Variants in FYN observed in about 807,000 individuals in gnomAD.
The protein encoded by FYN is FYN proto-oncogene, Src family tyrosine kinase.
FYN carries 10 observed loss-of-function variants against 70.2 expected under a neutral mutation model. The observed-to-expected ratio is 0.14, with a 90% CI of 0.09 to 0.24. The LOEUF is 0.24. FYN is among the 10% of genes least tolerant of loss of function. The pLI is 1.00. For missense variants in FYN, 319 were observed against 673.1 expected, an observed-to-expected ratio of 0.47 and a Z score of 5.82; for synonymous variants, 236 against 248.6, an observed-to-expected ratio of 0.95 and a Z score of 0.48.
At position 111,720,066 on chromosome 6, in the gene FYN, C is replaced by A. The variant is rs1355492645; in HGVS notation, c.-11-4G>T. 4 of 1,567,780 alleles carry A rather than the reference C, an allele frequency of 2.6e-6. No individual in the cohort carries two copies. Among genetic ancestry groups the A allele is most frequent in the South Asian group, 2.4e-5 (2 of 84,804 alleles). Reference sequence around the variant, plus strand: ...ACACAGCCCATTATCTAAATTCCTGCCAAAGACAAAAAAGGGGGCACGTAA... The same window carrying A: ...ACACAGCCCATTATCTAAATTCCTGACAAAGACAAAAAAGGGGGCACGTAA... On this transcript the variant is annotated splice_polypyrimidine_tract_variant and splice_region_variant and intron_variant, in intron 3 of 13. Transcript: ENST00000354650.
chr6:111,758,316 C>T (rs1009374001), intron 3 of FYN, among the ~76,000 whole-genome samples: 3 of 152,090 alleles, frequency 2.0e-5, no homozygotes, highest in Admixed American at 6.5e-5. Context: ...TTAAACATTC[C>T]TAAATTTGCA....
chr6:111,689,396 G>A (rs1042388385), intron 12 of FYN, among the ~76,000 whole-genome samples: 1 of 152,148 alleles, frequency 6.6e-6, no homozygotes, highest in East Asian at 1.9e-4. Context: ...CACAAAATCT[G>A]TTAGGCAGTA....
At chr6:111,734,967 C>T (rs1018818700) in intron 3 of FYN, among the ~76,000 whole-genome samples, 5 of 152,090 alleles carry the variant, frequency 3.3e-5, no homozygotes, top group South Asian at 2.1e-4. Flanking sequence ...ACAAGTAAAT[C>T]GAGGGACTCA....
At chr6:111,687,473 A>G (rs1562470610) in intron 12 of FYN, among the ~76,000 whole-genome samples, 1 of 152,148 alleles carries the variant, frequency 6.6e-6, no homozygotes, top group Non-Finnish European at 1.5e-5. Flanking sequence ...CAAACCAACC[A>G]AAACCATAGA....
chr6:111,797,819 G>A (rs1050192709), intron 2 of FYN, among the ~76,000 whole-genome samples: 1 of 151,712 alleles, frequency 6.6e-6, no homozygotes, highest in African/African-American at 2.4e-5. Flanking sequence ...CTGGAGTGCA[G>A]TGGCACGATC....
chr6:111,808,838 C>G (rs1042221081), intron 2 of FYN, among the ~76,000 whole-genome samples: 1 of 152,222 alleles, frequency 6.6e-6, no homozygotes, highest in Admixed American at 6.5e-5. Context: ...TGAAATGACA[C>G]AACTTCGTCC....
intron 9 of FYN, 115 bp downstream of exon 9, chr6:111,699,989 T>C (rs1799761083): frequency 1.3e-6 from 1 of 772,244 alleles, no homozygotes; most frequent in African/African-American, 1.7e-5. Flanking sequence ...TCCCCACTAT[T>C]AGTAATTCAA....
rs1324953860 is a variant in FYN at position 111,660,889 on chromosome 6, TTTGC to T, written c.*846_*849del. Reference sequence around the variant, plus strand: ...CCAGTTCTCTTGGTAGTATCAGCCATTTGCTTGCTTATTTTTAAGTTTTGAGAAC... The same window carrying T: ...CCAGTTCTCTTGGTAGTATCAGCCATTTGCTTATTTTTAAGTTTTGAGAAC... On this transcript the variant is annotated 3_prime_UTR_variant, in exon 14 of 14. Transcript: ENST00000354650. 1 of 152,224 alleles carries T rather than the reference TTTGC, an allele frequency of 6.6e-6. No individual in the cohort carries two copies. The highest frequency in any genetic ancestry group is 1.5e-5 in the Non-Finnish European group (1 of 68,036). The allele number at this position is 152,224 out of a possible 1,614,324, so 9.4% of individuals were successfully genotyped here. A position where few individuals can be genotyped will look rare whatever the true frequency, so the allele number is the denominator to read the frequency against.
intron 3 of FYN, among the ~76,000 whole-genome samples, chr6:111,743,436 A>G (rs1802071419): frequency 6.6e-6 from 1 of 152,238 alleles, no homozygotes; most frequent in Non-Finnish European, 1.5e-5. Context: ...CATGAAAATA[A>G]AATGAAATAC....
chr6:111,666,312 G>A (rs1175490995), intron 13 of FYN, among the ~76,000 whole-genome samples: 1 of 152,180 alleles, frequency 6.6e-6, no homozygotes, highest in South Asian at 2.1e-4. Flanking sequence ...GGCCAGTGGT[G>A]TCTGACTGTG....
chr6:111,674,761 A>G, intron 12 of FYN, 131 bp from the exon 13 acceptor site: 1 of 965,756 alleles, frequency 1.0e-6, no homozygotes, highest in Non-Finnish European at 1.5e-6. Flanking sequence ...AAGGAGGTGA[A>G]GCAGGAATGG....
intron 2 of FYN, among the ~76,000 whole-genome samples, chr6:111,833,608 C>T (rs1773089318): frequency 6.6e-6 from 1 of 152,206 alleles, no homozygotes; most frequent in African/African-American, 2.4e-5. Context: ...ACAAGCTAAC[C>T]TTTCATGCTT....
intron 1 of FYN, among the ~76,000 whole-genome samples, chr6:111,870,571 AG>A (rs1263742553): frequency 1.3e-5 from 2 of 152,362 alleles, no homozygotes; most frequent in Admixed American, 1.3e-4. Context: ...AAACAAGATA[AG>A]TAAGATAAGG....
intron 3 of FYN, among the ~76,000 whole-genome samples, chr6:111,763,105 A>ATT (rs1283337069): frequency 3.3e-5 from 5 of 152,212 alleles, no homozygotes; most frequent in Admixed American, 2.0e-4. Context: ...ATCTGGAAAT[A>ATT]TTTAAATCTA....
intron 1 of FYN, among the ~76,000 whole-genome samples, chr6:111,853,454 T>A (rs1166740733): frequency 1.3e-5 from 2 of 151,650 alleles, no homozygotes; most frequent in East Asian, 3.9e-4. Context: ...AGAAGGCACA[T>A]AGCCAGGTGT....
intron 2 of FYN, among the ~76,000 whole-genome samples, chr6:111,846,167 C>G (rs1458571423): frequency 6.6e-6 from 1 of 152,208 alleles, no homozygotes; most frequent in Non-Finnish European, 1.5e-5. Flanking sequence ...AGGTGAGCAG[C>G]AGCCATCTGA....
In FYN at chr6:111,782,857, A is replaced by G. The variant is rs78287536; in HGVS notation, c.-81-2222T>C. ...CCACACCAAGCTCCAGCTTCCCATC[A>G]GTCTCACAGATGTGAACCGGTGGTT... is the stretch of plus-strand genomic sequence containing the variant. On this transcript the variant is annotated intron_variant, in intron 2 of 13. Coordinates refer to ENST00000354650, the MANE Select transcript of FYN (RefSeq NM_002037.5). Among the ~76,000 whole-genome samples the G allele has an allele frequency of 3.9e-5, 6 of 152,328 alleles. No homozygotes were observed. In the East Asian group the frequency reaches 9.6e-4, roughly 24 times the overall value.
intron 2 of FYN, among the ~76,000 whole-genome samples, chr6:111,845,401 C>G (rs1334533611): frequency 6.6e-6 from 1 of 152,198 alleles, no homozygotes; most frequent in Non-Finnish European, 1.5e-5. Context: ...CTAACTAGAG[C>G]TGTGTTATTT....
At chr6:111,703,060 G>C (rs772664549) in intron 7 of FYN, 26 bp from the exon 8 acceptor site, 2 of 1,607,750 alleles carry the variant, frequency 1.2e-6, no homozygotes, top group South Asian at 2.2e-5. Context: ...AGCATTAGCA[G>C]CTCCAATCAT....
Sources: gnomAD v4.1 joint callset for allele counts (sites outside exome capture counted in the v4.1 genomes callset) on GRCh38, gnomAD v4.1.1 for gene constraint, MANE v1.5 for transcripts, NCBI Gene and HGNC (gene_info 2026-07-23, HGNC 2026-07-21) for gene names.